Variants in PDZRN4 observed in about 807,000 individuals in gnomAD.
PDZRN4 encodes PDZ domain containing ring finger 4, also known as PDZ domain-containing RING finger protein 4.
In PDZRN4, 70 loss-of-function variants were observed where a neutral mutation model predicts 99.0. The observed-to-expected ratio is 0.71, with a 90% confidence interval of 0.58 to 0.86. PDZRN4 has a LOEUF of 0.86. PDZRN4 is among the 40% of genes least tolerant of loss of function. PDZRN4 has a pLI of 0.00. For synonymous variants in PDZRN4, 551 were observed against 501.6 expected (o/e 1.10, Z -1.32); for missense variants, 1,474 against 1,331.2 (o/e 1.11, Z -1.67).
intron 3 of PDZRN4, among the ~76,000 whole-genome samples, chr12:41,406,664 C>A (rs879355761): frequency 9.9e-5 from 15 of 151,910 alleles, no homozygotes; most frequent in Admixed American, 3.9e-4. Context: ...GAGGCCGAGG[C>A]GGGCAGATCA....
At chr12:41,378,901 C>T (rs368077823) in intron 3 of PDZRN4, among the ~76,000 whole-genome samples, 2 of 152,104 alleles carry the variant, frequency 1.3e-5, no homozygotes, top group Non-Finnish European at 1.5e-5. Context: ...AATTCATCAG[C>T]GAATACTGGG....
chr12:41,416,978 C>T lies in PDZRN4; in HGVS notation c.844-89478C>T, dbSNP rs545031165. The stretch of plus-strand genomic sequence containing the variant: ...GATAAAAGCATCTAAAGAATAGGTT[C>T]TTAAAGAAACTGGAATTTGACTTTC... On this transcript the variant is annotated intron_variant, in intron 3 of 9. Transcript: ENST00000402685. Among the ~76,000 whole-genome samples the T allele has an allele frequency of 2.6e-5, 4 of 152,222 alleles. No homozygotes were observed. In the South Asian group the frequency reaches 8.3e-4, roughly 32 times the overall value.
intron 3 of PDZRN4, among the ~76,000 whole-genome samples, chr12:41,483,077 A>C (rs1937702702): frequency 6.6e-6 from 1 of 152,010 alleles, no homozygotes; most frequent in Admixed American, 6.6e-5. Context: ...GGAATTTTTC[A>C]GGAGACATAA....
chr12:41,560,023 C>T (rs1347615977), intron 7 of PDZRN4, among the ~76,000 whole-genome samples: 1 of 152,024 alleles, frequency 6.6e-6, no homozygotes, highest in African/African-American at 2.4e-5. Context: ...TGTAAATTAC[C>T]CAGTCTCAGG....
intron 3 of PDZRN4, among the ~76,000 whole-genome samples, chr12:41,472,618 T>A (rs1048469894): frequency 6.6e-6 from 1 of 152,128 alleles, no homozygotes; most frequent in Non-Finnish European, 1.5e-5. Context: ...AAAAGAGGTA[T>A]CCTAGGCTCA....
intron 3 of PDZRN4, among the ~76,000 whole-genome samples, chr12:41,454,198 T>G (rs1447583341): frequency 2.0e-5 from 3 of 152,178 alleles, no homozygotes; most frequent in Admixed American, 1.3e-4. Flanking sequence ...ATGTTATCTT[T>G]GTGTTCAACA....
chr12:41,257,687 A>G (rs75682669), intron 3 of PDZRN4, among the ~76,000 whole-genome samples: 3,081 of 152,302 alleles, frequency 0.02, 76 homozygotes, highest in African/African-American at 0.057. Flanking sequence ...AAATTCAGTA[A>G]GTGATTTGCC....
intron 3 of PDZRN4, among the ~76,000 whole-genome samples, chr12:41,390,449 C>G (rs890222770): frequency 1.3e-5 from 2 of 148,532 alleles, no homozygotes; most frequent in African/African-American, 5.0e-5. Flanking sequence ...ATATGAACTT[C>G]TAAGGGGTGA....
chr12:41,299,628 A>G (rs1951520536), intron 3 of PDZRN4, among the ~76,000 whole-genome samples: 2 of 152,034 alleles, frequency 1.3e-5, no homozygotes, highest in African/African-American at 4.8e-5. Flanking sequence ...TAAAACTTTC[A>G]GAGTAGTTGT....
chr12:41,316,940 G>C (rs949175009), intron 3 of PDZRN4, among the ~76,000 whole-genome samples: 2 of 150,880 alleles, frequency 1.3e-5, no homozygotes, highest in African/African-American at 2.4e-5. Flanking sequence ...AGCTTGCCTT[G>C]TAATGGTAGA....
chr12:41,245,144 C>T (rs1262071042), intron 3 of PDZRN4, among the ~76,000 whole-genome samples: 1 of 152,068 alleles, frequency 6.6e-6, no homozygotes, highest in Non-Finnish European at 1.5e-5. Flanking sequence ...TATTGTATTT[C>T]ATAGCATTCT....
At chr12:41,491,947 T>C (rs760697454) in intron 3 of PDZRN4, among the ~76,000 whole-genome samples, 3 of 152,194 alleles carry the variant, frequency 2.0e-5, no homozygotes, top group African/African-American at 7.2e-5. Flanking sequence ...CTTGATATAA[T>C]TTTAATAACC....
chr12:41,213,218 A>T (rs1036046910), intron 3 of PDZRN4, among the ~76,000 whole-genome samples: 12 of 152,048 alleles, frequency 7.9e-5, no homozygotes, highest in African/African-American at 2.9e-4. Flanking sequence ...ATTTTAAGAA[A>T]TCATTCTGCT....
chr12:41,251,987 G>A (rs1407548028), intron 3 of PDZRN4, among the ~76,000 whole-genome samples: 1 of 152,036 alleles, frequency 6.6e-6, no homozygotes, highest in African/African-American at 2.4e-5. Flanking sequence ...ATGGTAGTAT[G>A]TGCCTGTAGT....
intron 3 of PDZRN4, among the ~76,000 whole-genome samples, chr12:41,331,839 T>C (rs1942629511): frequency 6.6e-6 from 1 of 151,984 alleles, no homozygotes; most frequent in Admixed American, 6.6e-5. Context: ...TTCAGTTACC[T>C]CCCATCCAGT....
intron 3 of PDZRN4, among the ~76,000 whole-genome samples, chr12:41,322,973 T>C (rs868295465): frequency 1.3e-5 from 2 of 152,168 alleles, no homozygotes; most frequent in African/African-American, 2.4e-5. Context: ...ACTGGATTGC[T>C]AGAGTAATGA....
At chr12:41,285,551 C>T (rs1044255035) in intron 3 of PDZRN4, among the ~76,000 whole-genome samples, 1 of 152,144 alleles carries the variant, frequency 6.6e-6, no homozygotes, top group Non-Finnish European at 1.5e-5. Flanking sequence ...AAGATACATG[C>T]ACATGTATGT....
chr12:41,404,656 A>G (rs1280842256), intron 3 of PDZRN4, among the ~76,000 whole-genome samples: 1 of 152,084 alleles, frequency 6.6e-6, no homozygotes, highest in Non-Finnish European at 1.5e-5. Flanking sequence ...GGAAAAAAAA[A>G]CTATTCTAAA....
At chr12:41,350,990 T>C (rs1951886038) in intron 3 of PDZRN4, among the ~76,000 whole-genome samples, 1 of 152,162 alleles carries the variant, frequency 6.6e-6, no homozygotes, top group African/African-American at 2.4e-5. Flanking sequence ...CTAGATAGGC[T>C]TCAATATCTG....
Sources: gnomAD v4.1 joint callset for allele counts (sites outside exome capture counted in the v4.1 genomes callset) on GRCh38, gnomAD v4.1.1 for gene constraint, MANE v1.5 for transcripts, NCBI Gene and HGNC (gene_info 2026-07-23, HGNC 2026-07-21) for gene names.